PLXNA4: variants seen among roughly 807,000 people sequenced by gnomAD.
PLXNA4 encodes the protein plexin-A4.
A neutral mutation model predicts 191.8 loss-of-function variants in PLXNA4; 44 were observed. The ratio of observed to expected loss-of-function variants is 0.23; its 90% confidence interval spans 0.18 to 0.29. PLXNA4 has a LOEUF of 0.29. PLXNA4 is among the 10% of genes least tolerant of loss of function. The probability of loss-of-function intolerance (pLI) is 1.00; values close to 1 mark genes in which losing one functional copy is unlikely to be tolerated. For missense variants in PLXNA4, 1,800 were observed against 2,488.8 expected (o/e 0.72, Z 5.89); for synonymous variants, 1,082 against 1,009.5 (o/e 1.07, Z -1.36).
At chr7:132,457,696 T>C (rs1442185321) in intron 3 of PLXNA4, among the ~76,000 whole-genome samples, 1 of 152,228 alleles carries the variant, frequency 6.6e-6, no homozygotes, top group Non-Finnish European at 1.5e-5. Flanking sequence ...TGGTAGGTCC[T>C]AAATGCAATT....
intron 3 of PLXNA4, among the ~76,000 whole-genome samples, chr7:132,446,264 A>G (rs1795908707): frequency 6.6e-6 from 1 of 152,212 alleles, no homozygotes; most frequent in Non-Finnish European, 1.5e-5. Context: ...TAATAACAAC[A>G]TACGAACAAC....
intron 1 of PLXNA4, among the ~76,000 whole-genome samples, chr7:132,550,144 G>A (rs1209968813): frequency 2.0e-5 from 3 of 152,086 alleles, no homozygotes; most frequent in Non-Finnish European, 2.9e-5. Context: ...GGAAGTGAAC[G>A]TTCCCTAGGA....
In PLXNA4 at chr7:132,146,650, G is replaced by A. The variant is rs779597981; in HGVS notation, c.4915C>T (p.Pro1639Ser). The change falls in exon 28 of 32, where the codon CCT becomes TCT. Residue 1639 changes from proline to serine, a missense_variant. Coordinates refer to ENST00000321063, the MANE Select transcript of PLXNA4 (RefSeq NM_020911.2). ...CTCTCCAGGTCAGGAGTGATCATAG[G>A]TGTCCGTGAGCGGAGGCTGTCGGGG... Reference protein sequence around the residue: ...GSPDSLRSRTPMITPDLESGV... With the variant: ...GSPDSLRSRTSMITPDLESGV... The A allele has an allele frequency of 1.2e-6, 2 of 1,614,172 alleles. No individual in the cohort carries two copies. Among genetic ancestry groups the A allele is most frequent in the Non-Finnish European group, 1.7e-6 (2 of 1,180,040 alleles).
intron 5 of PLXNA4, among the ~76,000 whole-genome samples, chr7:132,230,479 G>A (rs1230681086): frequency 6.6e-6 from 1 of 152,172 alleles, no homozygotes; most frequent in African/African-American, 2.4e-5. Flanking sequence ...ATTCTCCAGG[G>A]TGCTTCTAGA....
chr7:132,400,123 C>A (rs1307668751), intron 3 of PLXNA4, among the ~76,000 whole-genome samples: 3 of 152,154 alleles, frequency 2.0e-5, no homozygotes, highest in Non-Finnish European at 2.9e-5. Context: ...TCTAAACAGA[C>A]AAATGCCTAC....
chr7:132,482,227 G>A (rs143763557), intron 3 of PLXNA4, among the ~76,000 whole-genome samples: 85 of 152,260 alleles, frequency 5.6e-4, no homozygotes, highest in African/African-American at 2.0e-3. Flanking sequence ...TACAGCAAAG[G>A]GGATGGGGTG....
chr7:132,611,939 G>C (rs541870996), intron 2 of PLXNA4, among the ~76,000 whole-genome samples: 36 of 152,156 alleles, frequency 2.4e-4, no homozygotes, highest in Non-Finnish European at 1.5e-4. Flanking sequence ...TGGAGACCAA[G>C]GCTGCTGACT....
At chr7:132,299,166 TG>T (rs1443396279) in intron 3 of PLXNA4, among the ~76,000 whole-genome samples, 5 of 152,196 alleles carry the variant, frequency 3.3e-5, no homozygotes, top group African/African-American at 1.2e-4. Flanking sequence ...CAAATATTAC[TG>T]AGAGTGTGGC....
chr7:132,256,574 T>C (rs1799438908), intron 4 of PLXNA4, among the ~76,000 whole-genome samples: 1 of 152,190 alleles, frequency 6.6e-6, no homozygotes, highest in African/African-American at 2.4e-5. Flanking sequence ...ATTTGGGGTC[T>C]AGGTTAATTG....
At chr7:132,197,395 T>C (rs529800657) in intron 13 of PLXNA4, among the ~76,000 whole-genome samples, 1 of 152,358 alleles carries the variant, frequency 6.6e-6, no homozygotes, top group East Asian at 1.9e-4. Flanking sequence ...CTTACTTTAC[T>C]GATCTAACTG....
intron 3 of PLXNA4, among the ~76,000 whole-genome samples, chr7:132,387,281 A>G (rs1805191092): frequency 6.6e-6 from 1 of 152,220 alleles, no homozygotes; most frequent in South Asian, 2.1e-4. Flanking sequence ...TAAAATTCCC[A>G]GGCAATTTGT....
chr7:132,284,800 C>T (rs1800622945), intron 4 of PLXNA4, among the ~76,000 whole-genome samples: 1 of 152,116 alleles, frequency 6.6e-6, no homozygotes, highest in Admixed American at 6.6e-5. Context: ...CTGAAACCTC[C>T]CCCTTCCAGG....
chr7:132,472,752 G>A (rs1796976251), intron 3 of PLXNA4, among the ~76,000 whole-genome samples: 1 of 152,142 alleles, frequency 6.6e-6, no homozygotes, highest in Non-Finnish European at 1.5e-5. Context: ...AAAGGCACAG[G>A]GCCCCTCTCT....
intron 5 of PLXNA4, among the ~76,000 whole-genome samples, chr7:132,233,850 A>C (rs1432923456): frequency 6.6e-6 from 1 of 152,216 alleles, no homozygotes; most frequent in South Asian, 2.1e-4. Context: ...TGAATGAACA[A>C]TCTATTGAAC....
chr7:132,473,187 T>A (rs1796995356), intron 3 of PLXNA4, among the ~76,000 whole-genome samples: 1 of 152,236 alleles, frequency 6.6e-6, no homozygotes, highest in Non-Finnish European at 1.5e-5. Context: ...TGAGAACTTG[T>A]CACCAGGTGC....
chr7:132,283,607 A>C (rs1800570095), intron 4 of PLXNA4, among the ~76,000 whole-genome samples: 1 of 152,224 alleles, frequency 6.6e-6, no homozygotes, highest in Admixed American at 6.5e-5. Flanking sequence ...CACACACAAA[A>C]AAAGAGAAAC....
At chr7:132,380,277 T>C (rs1804838304) in intron 3 of PLXNA4, among the ~76,000 whole-genome samples, 1 of 152,180 alleles carries the variant, frequency 6.6e-6, no homozygotes, top group African/African-American at 2.4e-5. Context: ...TGTGATCGTG[T>C]GCAAAGGGCA....
intron 3 of PLXNA4, among the ~76,000 whole-genome samples, chr7:132,373,415 C>CG (rs1563063341): frequency 1.3e-5 from 2 of 152,182 alleles, no homozygotes; most frequent in African/African-American, 4.8e-5. Flanking sequence ...GCCAGGCCTC[C>CG]GTAGCTCTGG....
intron 1 of PLXNA4, among the ~76,000 whole-genome samples, chr7:132,545,154 T>C (rs1238611213): frequency 6.6e-6 from 1 of 152,218 alleles, no homozygotes; most frequent in African/African-American, 2.4e-5. Flanking sequence ...CCTCCCCCAG[T>C]GTCCTCTGTG....
Sources: gnomAD v4.1 joint callset for allele counts (sites outside exome capture counted in the v4.1 genomes callset) on GRCh38, gnomAD v4.1.1 for gene constraint, MANE v1.5 for transcripts, NCBI Gene and HGNC (gene_info 2026-07-23, HGNC 2026-07-21) for gene names.